ADGRL3: variants seen among roughly 807,000 people sequenced by gnomAD.
The protein encoded by ADGRL3 is adhesion G protein-coupled receptor L3.
Under a neutral mutation model 153.5 loss-of-function variants are expected in ADGRL3, and 62 were observed. The ratio of observed to expected loss-of-function variants is 0.40; its 90% CI spans 0.33 to 0.50. The LOEUF (loss-of-function observed/expected upper bound fraction) is 0.50. ADGRL3 is among the 20% of genes least tolerant of loss of function. The pLI is 0.47. For synonymous variants in ADGRL3, 710 were observed against 672.5 expected, an observed-to-expected ratio of 1.06 and a Z score of -0.86; for missense variants, 1,641 against 1,859.4, an observed-to-expected ratio of 0.88 and a Z score of 2.16.
rs1282143204 is a variant in ADGRL3 at position 61,893,061 on chromosome 4, T to TCCTCCCTC, written c.1783+113_1783+120dup. 9 of 529,366 alleles carry TCCTCCCTC rather than the reference T, an allele frequency of 1.7e-5. 1 individual carries two copies. The South Asian group carries it at 1.8e-4, about 10-fold the overall frequency. The allele number at this position is 529,366 out of a possible 1,614,324, so 32.8% of individuals were successfully genotyped here. Reference sequence around the variant, plus strand: ...TTCCTCCTTTCCTCCCTCCCTCCCTTCCTCCCTCCCTCCCTCCTTGTCTCT... The same window carrying TCCTCCCTC: ...TTCCTCCTTTCCTCCCTCCCTCCCTTCCTCCCTCCCTCCCTCCCTCCCTCCTTGTCTCT... On this transcript the variant is annotated intron_variant, in intron 10 of 26. Transcript: ENST00000683033.
chr4:61,338,967 G>A (rs185028457), intron 1 of ADGRL3, among the ~76,000 whole-genome samples: 1 of 152,144 alleles, frequency 6.6e-6, no homozygotes, highest in African/African-American at 2.4e-5. Flanking sequence ...TTTTACACAT[G>A]AAAAGTAATC....
chr4:61,376,856 C>T (rs866621640), intron 1 of ADGRL3, among the ~76,000 whole-genome samples: 13 of 152,200 alleles, frequency 8.5e-5, no homozygotes, highest in East Asian at 3.9e-4. Flanking sequence ...AGTCAATCTT[C>T]GGCTAAACTT....
chr4:61,351,363 G>A (rs1488767679), intron 1 of ADGRL3, among the ~76,000 whole-genome samples: 1 of 152,244 alleles, frequency 6.6e-6, no homozygotes, highest in Non-Finnish European at 1.5e-5. Flanking sequence ...AGCAAGTGCT[G>A]ATGTAGAAGC....
chr4:61,876,965 C>A (rs2098479614), intron 9 of ADGRL3, among the ~76,000 whole-genome samples: 1 of 149,414 alleles, frequency 6.7e-6, no homozygotes, highest in Admixed American at 6.7e-5. Flanking sequence ...GAGAAGGGAC[C>A]TTTTAAGTAC....
intron 5 of ADGRL3, among the ~76,000 whole-genome samples, chr4:61,670,739 C>T (rs975659462): frequency 6.6e-6 from 1 of 152,080 alleles, no homozygotes; most frequent in African/African-American, 2.4e-5. Context: ...GTAGGTTCTG[C>T]CTTAATGGGA....
chr4:61,826,471 TAAAC>T (rs2097802269), intron 9 of ADGRL3, among the ~76,000 whole-genome samples: 1 of 151,982 alleles, frequency 6.6e-6, no homozygotes, highest in South Asian at 2.1e-4. Flanking sequence ...AACAAAAAAG[TAAAC>T]AAATAAATGG....
intron 8 of ADGRL3, among the ~76,000 whole-genome samples, chr4:61,782,099 G>A (rs150965575): frequency 2.6e-5 from 4 of 152,280 alleles, no homozygotes; most frequent in East Asian, 3.9e-4. Context: ...CTTGAAATGG[G>A]ATGAGGAGGA....
intron 1 of ADGRL3, among the ~76,000 whole-genome samples, chr4:61,347,549 C>T (rs998906773): frequency 1.4e-4 from 22 of 152,028 alleles, no homozygotes; most frequent in African/African-American, 5.1e-4. Flanking sequence ...CCTACGTTAA[C>T]CCCCCTTCCC....
rs891117353 is a variant in ADGRL3, at chr4:61,824,450, A to C, written c.1480+10561A>C. Among the ~76,000 whole-genome samples the C allele has an allele frequency of 3.3e-5, 5 of 152,208 alleles. No individual in the cohort carries two copies. In the East Asian group the frequency reaches 9.6e-4, roughly 29 times the overall value. ...AATATTAAAATGTAATCTTTGATAA[A>C]ATATCCTATTTTTTAATGTTTTCAA... On this transcript the variant is annotated intron_variant, in intron 9 of 26. Coordinates refer to ENST00000683033, the MANE Select transcript of ADGRL3 (RefSeq NM_001387552.1).
chr4:61,978,370 C>T (rs1361440946), intron 17 of ADGRL3, among the ~76,000 whole-genome samples: 2 of 151,896 alleles, frequency 1.3e-5, no homozygotes, highest in Non-Finnish European at 2.9e-5. Flanking sequence ...TGTGTATTAT[C>T]CATGTTTGTG....
rs190936208 is a variant in ADGRL3 at position 61,354,490 on chromosome 4, G to A, written c.-239-28634G>A. On this transcript the variant is annotated intron_variant, in intron 1 of 26. Coordinates refer to ENST00000683033, the MANE Select transcript of ADGRL3 (RefSeq NM_001387552.1). ...TTTAATGGCTGAGGTTGTTTAGTTC[G>A]GAAATGGTGTATGATCGCAAAAGCA... Among the ~76,000 whole-genome samples the A allele has an allele frequency of 1.3e-4, 20 of 151,912 alleles. No homozygotes were observed. The East Asian group carries it at 3.5e-3, about 27-fold the overall frequency.
chr4:61,488,237 T>A (rs1385534825), intron 2 of ADGRL3, among the ~76,000 whole-genome samples: 1 of 152,170 alleles, frequency 6.6e-6, no homozygotes, highest in South Asian at 2.1e-4. Flanking sequence ...AAAAGTTTCC[T>A]ATTAAAATTA....
chr4:61,381,729 C>T (rs2096671144), intron 1 of ADGRL3, among the ~76,000 whole-genome samples: 1 of 151,870 alleles, frequency 6.6e-6, no homozygotes, highest in Non-Finnish European at 1.5e-5. Context: ...ATGAGATACG[C>T]CAGTTCTTCA....
chr4:61,776,294 T>G (rs2097150432), intron 8 of ADGRL3, among the ~76,000 whole-genome samples: 1 of 152,220 alleles, frequency 6.6e-6, no homozygotes, highest in Non-Finnish European at 1.5e-5. Context: ...GGTAAAATTT[T>G]CTAAACCTAA....
intron 4 of ADGRL3, among the ~76,000 whole-genome samples, chr4:61,534,550 T>C (rs1435531343): frequency 6.6e-6 from 1 of 152,182 alleles, no homozygotes; most frequent in Non-Finnish European, 1.5e-5. Context: ...TTAATGATAA[T>C]TGACTCTTCC....
intron 1 of ADGRL3, among the ~76,000 whole-genome samples, chr4:61,314,426 C>T (rs1422211313): frequency 6.6e-6 from 1 of 152,114 alleles, no homozygotes; most frequent in African/African-American, 2.4e-5. Context: ...TCAGGCTGGT[C>T]TCGAACTCCT....
intron 22 of ADGRL3, 74 bp downstream of exon 22, chr4:62,028,955 T>A: frequency 7.7e-7 from 1 of 1,299,138 alleles, no homozygotes; most frequent in Non-Finnish European, 1.1e-6. Context: ...AGATCAGTAC[T>A]GAAAAATCAT....
chr4:61,719,271 T>TAG (rs2096188555), intron 6 of ADGRL3, among the ~76,000 whole-genome samples: 2 of 152,180 alleles, frequency 1.3e-5, no homozygotes, highest in Non-Finnish European at 2.9e-5. Context: ...GTATTAAATA[T>TAG]CCCAATACTA....
chr4:61,830,871 A>G (rs1355182422), intron 9 of ADGRL3, among the ~76,000 whole-genome samples: 1 of 152,012 alleles, frequency 6.6e-6, no homozygotes, highest in African/African-American at 2.4e-5. Flanking sequence ...TCCTAGTTCT[A>G]GCTTTATTAT....
Sources: gnomAD v4.1 joint callset for allele counts (sites outside exome capture counted in the v4.1 genomes callset) on GRCh38, gnomAD v4.1.1 for gene constraint, MANE v1.5 for transcripts, NCBI Gene and HGNC (gene_info 2026-07-23, HGNC 2026-07-21) for gene names.